Variants in CNTN4 observed in about 807,000 individuals in gnomAD.
CNTN4 encodes contactin-4.
In CNTN4, 77 loss-of-function variants were observed where a neutral mutation model predicts 122.5. The ratio of observed to expected loss-of-function variants is 0.63; its 90% confidence interval spans 0.52 to 0.76. The LOEUF is 0.76. Ranked by LOEUF, CNTN4 falls within the 30% of genes least tolerant of loss-of-function variation. The probability of loss-of-function intolerance (pLI) is 0.00; values close to 1 mark genes in which losing one functional copy is unlikely to be tolerated. For missense variants in CNTN4, 1,256 were observed against 1,259.1 expected, an observed-to-expected ratio of 1.00 and a Z score of 0.04; for synonymous variants, 512 against 447.0, an observed-to-expected ratio of 1.15 and a Z score of -1.83.
intron 13 of CNTN4, among the ~76,000 whole-genome samples, chr3:2,979,514 A>G (rs59582967): frequency 0.053 from 8,134 of 152,144 alleles, 532 homozygotes; most frequent in African/African-American, 0.16. Flanking sequence ...CGTAATGTGT[A>G]AATCTATTGT....
chr3:2,381,915 C>T (rs991354487), intron 3 of CNTN4, among the ~76,000 whole-genome samples: 1 of 152,020 alleles, frequency 6.6e-6, no homozygotes. Flanking sequence ...CTCTGTAGAG[C>T]TGTGTAAAAT....
intron 2 of CNTN4, among the ~76,000 whole-genome samples, chr3:2,137,826 C>A (rs970393469): frequency 2.0e-5 from 3 of 152,136 alleles, no homozygotes; most frequent in African/African-American, 7.2e-5. Context: ...GTGTTGTGAA[C>A]GCCCTACCCC....
intron 13 of CNTN4, among the ~76,000 whole-genome samples, chr3:2,951,855 T>A (rs2094749164): frequency 6.6e-6 from 1 of 152,232 alleles, no homozygotes; most frequent in Non-Finnish European, 1.5e-5. Flanking sequence ...TGTTTTGGAT[T>A]GCCAGGATTT....
chr3:2,817,936 T>C (rs13082490), intron 6 of CNTN4, among the ~76,000 whole-genome samples: 43,745 of 152,144 alleles, frequency 0.29, 6,577 homozygotes, highest in African/African-American at 0.35. Context: ...TGTTCTACCC[T>C]CACCTGGTGT....
chr3:2,800,743 CA>C (rs200467789), intron 6 of CNTN4, among the ~76,000 whole-genome samples: 1,590 of 152,260 alleles, frequency 0.01, 31 homozygotes, highest in African/African-American at 0.035. Flanking sequence ...TCCCTGACTC[CA>C]TGTCTTAACT....
chr3:2,431,550 A>T (rs917405388), intron 3 of CNTN4, among the ~76,000 whole-genome samples: 2 of 152,120 alleles, frequency 1.3e-5, no homozygotes, highest in Admixed American at 1.3e-4. Flanking sequence ...GACTTTTTTT[A>T]AAGAAGAAAT....
At chr3:2,544,058 C>G (rs2078139875) in intron 3 of CNTN4, among the ~76,000 whole-genome samples, 1 of 152,112 alleles carries the variant, frequency 6.6e-6, no homozygotes, top group African/African-American at 2.4e-5. Context: ...AGAAACCTTT[C>G]TTGAGTAAGC....
chr3:2,881,323 G>A (rs2093907163), intron 8 of CNTN4, among the ~76,000 whole-genome samples: 1 of 152,118 alleles, frequency 6.6e-6, no homozygotes, highest in Non-Finnish European at 1.5e-5. Flanking sequence ...GACGAGCCTG[G>A]CCAACATAGT....
chr3:2,173,616 A>G (rs2036608794), intron 2 of CNTN4, among the ~76,000 whole-genome samples: 1 of 152,172 alleles, frequency 6.6e-6, no homozygotes, highest in Non-Finnish European at 1.5e-5. Context: ...GAAGTTGGTT[A>G]TACTATGGCA....
At chr3:2,957,541 G>C (rs76442821) in intron 13 of CNTN4, among the ~76,000 whole-genome samples, 2,769 of 152,046 alleles carry the variant, frequency 0.018, 102 homozygotes, top group African/African-American at 0.063. Context: ...ACCCCGTCAC[G>C]CATGTAGTGA....
chr3:2,203,615 G>A (rs997966271), intron 2 of CNTN4, among the ~76,000 whole-genome samples: 5 of 152,100 alleles, frequency 3.3e-5, no homozygotes, highest in Non-Finnish European at 5.9e-5. Flanking sequence ...ACCTGCTCCA[G>A]TACGTTCCTG....
chr3:2,474,096 G>A (rs566028144), intron 3 of CNTN4, among the ~76,000 whole-genome samples: 24 of 151,764 alleles, frequency 1.6e-4, no homozygotes, highest in Non-Finnish European at 2.9e-4. Flanking sequence ...ACTGTCTGCC[G>A]GGGTGTCATC....
intron 2 of CNTN4, among the ~76,000 whole-genome samples, chr3:2,282,332 A>T (rs2041746610): frequency 6.6e-6 from 1 of 151,740 alleles, no homozygotes; most frequent in Non-Finnish European, 1.5e-5. Context: ...TCTTCCTTAA[A>T]ATAAGCATAT....
intron 3 of CNTN4, among the ~76,000 whole-genome samples, chr3:2,527,436 T>TGCTGCTGCTGCTGC (rs34375682): frequency 6.6e-5 from 10 of 150,420 alleles, no homozygotes; most frequent in East Asian, 1.9e-4. Context: ...GCTGCTGCTG[T>TGCTGCTGCTGCTGC]TGCTGTTATT....
intron 3 of CNTN4, among the ~76,000 whole-genome samples, chr3:2,434,181 G>A (rs944154317): frequency 2.1e-4 from 32 of 152,152 alleles, no homozygotes; most frequent in African/African-American, 7.7e-4. Flanking sequence ...TTAAAAGTAT[G>A]TGAAGTGATG....
chr3:2,315,568 A>T (rs1559445973), intron 2 of CNTN4, among the ~76,000 whole-genome samples: 1 of 151,962 alleles, frequency 6.6e-6, no homozygotes, highest in Non-Finnish European at 1.5e-5. Context: ...CAGAAATAAG[A>T]CTGTTATAAT....
In CNTN4 at chr3:2,736,219, T is replaced by C. The variant is rs2089076544; in HGVS notation, c.60T>C (p.Asp20=). The C allele has an allele frequency of 6.2e-7, 1 of 1,613,458 alleles. No individual in the cohort carries two copies. Among genetic ancestry groups the C allele is most frequent in the Non-Finnish European group, 8.5e-7 (1 of 1,179,572 alleles). ...CATTTTCTCTTCTCATTTCAGATGA[T>C]TCCACACTGCATGGCCCGATTTTTA... is the stretch of plus-strand genomic sequence containing the variant. ...LQSFILCLAD[D]STLHGPIFIQ... The change falls in exon 5 of 25, where the codon GAT becomes GAC. Residue 20 remains aspartate (D), a synonymous_variant. Coordinates refer to ENST00000418658, the MANE Select transcript of CNTN4 (RefSeq NM_175607.3).
intron 7 of CNTN4, among the ~76,000 whole-genome samples, chr3:2,839,272 T>C (rs2150478261): frequency 6.6e-6 from 1 of 152,328 alleles, no homozygotes; most frequent in Non-Finnish European, 1.5e-5. Flanking sequence ...TAAAAAAGAA[T>C]TCTCTGAAGT....
At chr3:2,516,317 C>T (rs1193905536) in intron 3 of CNTN4, among the ~76,000 whole-genome samples, 1 of 152,022 alleles carries the variant, frequency 6.6e-6, no homozygotes, top group African/African-American at 2.4e-5. Context: ...TATCGTCGTG[C>T]ATCCATCTAT....
Sources: gnomAD v4.1 joint callset for allele counts (sites outside exome capture counted in the v4.1 genomes callset) on GRCh38, gnomAD v4.1.1 for gene constraint, MANE v1.5 for transcripts, NCBI Gene and HGNC (gene_info 2026-07-23, HGNC 2026-07-21) for gene names.